TEX22: variants seen among roughly 807,000 people sequenced by gnomAD.
The protein encoded by TEX22 is testis expressed 22.
Under a neutral mutation model 11.3 loss-of-function variants are expected in TEX22, and 16 were observed. The observed-to-expected ratio is 1.42, with a 90% CI of 0.96 to 2.15. TEX22 has a LOEUF of 2.15. Among genes scored for constraint, TEX22 ranks in the 30% most tolerant of loss-of-function variants. TEX22 has a pLI of 0.00. For synonymous variants in TEX22, 97 were observed against 92.3 expected (o/e 1.05, Z -0.29); for missense variants, 220 against 208.6 (o/e 1.05, Z -0.34).
chr14:105,407,356 C>T (rs1555418953), intron 2 of TEX22, among the ~76,000 whole-genome samples: 1 of 152,024 alleles, frequency 6.6e-6, no homozygotes, highest in African/African-American at 2.4e-5. Flanking sequence ...GCATGAGCCA[C>T]CATGCCCGGC....
At chr14:105,406,760 A>C (rs1180166095) in intron 2 of TEX22, among the ~76,000 whole-genome samples, 1 of 151,642 alleles carries the variant, frequency 6.6e-6, no homozygotes, top group Non-Finnish European at 1.5e-5. Context: ...GTTGGTGAGG[A>C]TGTAAGGAAA....
chr14:105,404,907 A>C (rs2081650941), intron 2 of TEX22, among the ~76,000 whole-genome samples: 1 of 152,320 alleles, frequency 6.6e-6, no homozygotes, highest in East Asian at 1.9e-4. Context: ...GATGTCACTC[A>C]TGCACAGAAA....
In TEX22 at chr14:105,411,693, GAGGACGTGGACA is replaced by G; in HGVS notation, c.322_333del (p.Asp108_Val111del). On this transcript the variant is annotated inframe_deletion, in exon 4 of 4. Coordinates refer to ENST00000451127, the MANE Select transcript of TEX22 (RefSeq NM_001195082.2). ...GCAGATGGTAGCCCAGCTGGTGTCGGAGGACGTGGACAAGGACGTGCTCCTTCCCCACCCGCT... is the reference window on the plus strand; with the variant it reads ...GCAGATGGTAGCCCAGCTGGTGTCGGAGGACGTGCTCCTTCCCCACCCGCT... 1 of 1,531,876 alleles carries G rather than the reference GAGGACGTGGACA, an allele frequency of 6.5e-7. No homozygotes were observed. Among genetic ancestry groups the G allele is most frequent in the Non-Finnish European group, 8.7e-7 (1 of 1,144,768 alleles). 94.9% of individuals were successfully genotyped at this position (1,531,876 alleles called of 1,614,324 possible).
At chr14:105,402,987 G>A (rs2081640764) in intron 2 of TEX22, among the ~76,000 whole-genome samples, 1 of 152,072 alleles carries the variant, frequency 6.6e-6, no homozygotes, top group Admixed American at 6.6e-5. Context: ...CCCAAGAGAG[G>A]GTTTTTGGAT....
At chr14:105,399,590 CAG>C (rs1465694445) in intron 2 of TEX22, 100 bp downstream of exon 2, 71 of 1,319,776 alleles carry the variant, frequency 5.4e-5, no homozygotes, top group Admixed American at 2.4e-4. Context: ...TGAGCAGCCT[CAG>C]GGGAGGGCTG....
At chr14:105,410,188 C>T (rs1039802041) in intron 2 of TEX22, among the ~76,000 whole-genome samples, 53 of 152,284 alleles carry the variant, frequency 3.5e-4, no homozygotes, top group African/African-American at 1.2e-3. Flanking sequence ...AGCGATTCTC[C>T]TGCCTCAGCC....
Position 105,411,527 on chromosome 14 carries a change from T to TCCCCG in TEX22, c.279+46_279+50dup, listed in dbSNP as rs1159153044. On this transcript the variant is annotated intron_variant, in intron 3 of 3. Transcript: ENST00000451127. ...CGGGGGGCGGGTCCTCCCCGCCCCG[T>TCCCCG]CCCCGCCCCGCCCCGCCCCTCCGCC... 4.0e-3 allele frequency: 2,297 copies of TCCCCG among 569,412 alleles called. 5 individuals carry two copies. Among genetic ancestry groups the TCCCCG allele is most frequent in the Middle Eastern group, 0.026 (32 of 1,252 alleles). The allele number at this position is 569,412 out of a possible 1,614,324, so 35.3% of individuals were successfully genotyped here.
At position 105,398,654 on chromosome 14, in the gene TEX22, C is replaced by T. The variant is rs1271954721; in HGVS notation, c.-40+19C>T. On this transcript the variant is annotated intron_variant, in intron 1 of 3. Transcript: ENST00000451127. ...GCGGCGGGTCTGTCCCTCCTTCTGT[C>T]TCCGGGTGCCCACGTACCCCCCACC... 6.6e-6 allele frequency: 1 copy of T among 152,428 alleles called. No homozygotes were observed. Among genetic ancestry groups the T allele is most frequent in the Non-Finnish European group, 1.5e-5 (1 of 68,206 alleles). The allele number at this position is 152,428 out of a possible 1,614,324, so 9.4% of individuals were successfully genotyped here.
chr14:105,403,049 C>A (rs1049753736), intron 2 of TEX22, among the ~76,000 whole-genome samples: 7 of 152,152 alleles, frequency 4.6e-5, no homozygotes, highest in Admixed American at 2.0e-4. Context: ...GAGAAGAGAT[C>A]ATTTATTGAA....
intron 2 of TEX22, 94 bp from the exon 3 acceptor site, chr14:105,411,274 G>C: frequency 8.3e-7 from 1 of 1,199,944 alleles, no homozygotes; most frequent in Non-Finnish European, 1.0e-6. Context: ...GAAAGCGCCC[G>C]GGGGCGAGCT....
chr14:105,411,313 C>A, intron 2 of TEX22, 55 bp from the exon 3 acceptor site: 1 of 1,252,078 alleles, frequency 8.0e-7, no homozygotes, highest in Non-Finnish European at 1.0e-6. Context: ...TGGGTGGGAG[C>A]GGCGAAGGGG....
At chr14:105,401,856 C>A (rs1472833499) in intron 2 of TEX22, among the ~76,000 whole-genome samples, 2 of 152,174 alleles carry the variant, frequency 1.3e-5, no homozygotes, top group Non-Finnish European at 2.9e-5. Flanking sequence ...GGAAGTATTT[C>A]AGATGCAAGC....
rs2081690589 is a variant in TEX22, at chr14:105,411,480, C to T, written c.263C>T (p.Thr88Ile). 1 of 1,232,650 alleles carries T rather than the reference C, an allele frequency of 8.1e-7. No individual in the cohort carries two copies. The highest frequency in any genetic ancestry group is 3.7e-5 in the South Asian group (1 of 27,118). The allele number at this position is 1,232,650 out of a possible 1,614,324, so 76.4% of individuals were successfully genotyped here. A position where few individuals can be genotyped will look rare whatever the true frequency, so the allele number is the denominator to read the frequency against. The change falls in exon 3 of 4, where the codon ACC becomes ATC. Residue 88 changes from threonine (T) to isoleucine (I), a missense_variant. Physicochemically the swap from Thr to Ile is moderately conservative, Grantham distance 89. Transcript: ENST00000451127. ...GGRERPGAAGTQLHCRDVVQM... is the reference protein window; with the variant it reads ...GGRERPGAAGIQLHCRDVVQM... Reference sequence around the variant, plus strand: ...CGGGAGAGGCCGGGCGCCGCCGGGACCCAGCTGCACTGCAGGGTGCGCGGG... The same window carrying T: ...CGGGAGAGGCCGGGCGCCGCCGGGATCCAGCTGCACTGCAGGGTGCGCGGG...
rs930194465 is a variant in TEX22 at position 105,399,485 on chromosome 14, G to T, written c.145G>T (p.Asp49Tyr). The change falls in exon 2 of 4, where the codon GAC becomes TAC. Residue 49 changes from aspartate (D) to tyrosine (Y), a missense_variant. Coordinates refer to ENST00000451127, the MANE Select transcript of TEX22 (RefSeq NM_001195082.2). The stretch of plus-strand genomic sequence containing the variant: ...CGTTCAGCAGGGACTGCAGACTCAG[G>T]ACTGGGTAAGCGGAAGGAAACCCTG... Reference protein sequence around the residue: ...SSVQQGLQTQDWVCEPPERRR... With the variant: ...SSVQQGLQTQYWVCEPPERRR... 9 of 1,532,640 alleles carry T rather than the reference G, an allele frequency of 5.9e-6. No homozygotes were observed. In the African/African-American group the frequency reaches 1.1e-4, roughly 19 times the overall value. The allele number at this position is 1,532,640 out of a possible 1,614,324, so 94.9% of individuals were successfully genotyped here.
intron 2 of TEX22, among the ~76,000 whole-genome samples, chr14:105,410,109 C>T (rs1235010881): frequency 6.6e-6 from 1 of 152,066 alleles, no homozygotes; most frequent in Non-Finnish European, 1.5e-5. Context: ...CGGAGTTTTG[C>T]TCTTGTTGCC....
chr14:105,405,640 G>A (rs1555418834), intron 2 of TEX22, among the ~76,000 whole-genome samples: 1 of 152,236 alleles, frequency 6.6e-6, no homozygotes, highest in East Asian at 1.9e-4. Flanking sequence ...ATGTGGTTGT[G>A]TGGACGCCTG....
chr14:105,404,401 T>A (rs1425610458), intron 2 of TEX22, among the ~76,000 whole-genome samples: 2 of 152,230 alleles, frequency 1.3e-5, no homozygotes, highest in African/African-American at 4.8e-5. Context: ...CCGTTTTGGA[T>A]ACACTGGTCA....
chr14:105,403,212 C>A (rs1450263414), intron 2 of TEX22, among the ~76,000 whole-genome samples: 1 of 152,152 alleles, frequency 6.6e-6, no homozygotes, highest in Non-Finnish European at 1.5e-5. Flanking sequence ...ATTTATTATT[C>A]TATTGATTAA....
chr14:105,406,771 G>C (rs1177261382), intron 2 of TEX22, among the ~76,000 whole-genome samples: 1 of 151,784 alleles, frequency 6.6e-6, no homozygotes, highest in Non-Finnish European at 1.5e-5. Flanking sequence ...TGTAAGGAAA[G>C]AGTAAGTCTG....
Sources: allele counts gnomAD v4.1 joint callset (sites outside exome capture counted in the v4.1 genomes callset), GRCh38; gene constraint gnomAD v4.1.1; transcripts MANE v1.5; gene names NCBI Gene and HGNC (gene_info 2026-07-23, HGNC 2026-07-21).